ZNF324B: variants seen among roughly 807,000 people sequenced by gnomAD.
ZNF324B encodes the protein zinc finger protein 324B.
ZNF324B carries 7 observed loss-of-function variants against 10.6 expected under a neutral mutation model. That is an observed-to-expected ratio of 0.66 (90% confidence interval 0.38 to 1.24). ZNF324B has a LOEUF of 1.24. Ranked by LOEUF, ZNF324B falls within the 50% of genes most tolerant of loss-of-function variation. The pLI, the probability that ZNF324B is intolerant of heterozygous loss-of-function variation, is 0.02. For missense variants in ZNF324B, 640 were observed against 764.7 expected (o/e 0.84, Z 1.92); for synonymous variants, 316 against 321.0 (o/e 0.98, Z 0.17).
chr19:58,453,082 A>AAAAT (rs34636971), intron 1 of ZNF324B: 18,306 of 140,260 alleles, frequency 0.13, 1,483 homozygotes, highest in East Asian at 0.25. Flanking sequence ...CTCCAAAATA[A>AAAAT]AAATAAATAA....
the ZNF324B span, chr19:58,445,569 A>G: frequency 2.0e-6 from 1 of 488,474 alleles, no homozygotes; most frequent in African/African-American, 2.0e-5. Flanking sequence ...TAATCCCAGC[A>G]CTTTGGGAGG....
rs1326687824 is a variant in ZNF324B at position 58,455,922 on chromosome 19, C to T, written c.978C>T (p.Ser326=). The part of the protein sequence containing the change: ...PVCGKAFRHS[S]SLVRHQRIHT... ...GCGGCAAGGCCTTCCGGCATAGCTC[C>T]TCGCTGGTGCGGCACCAGCGCATCC... Residue 326 remains serine, a synonymous_variant, in exon 4 of 4, where the codon TCC becomes TCT. Coordinates refer to ENST00000336614, the MANE Select transcript of ZNF324B (RefSeq NM_207395.3). This position sits in a 1 kb window ranked among gnomAD's most constrained non-coding sequence, Gnocchi z 7.0. 6.2e-7 allele frequency: 1 copy of T among 1,600,848 alleles called. No individual in the cohort carries two copies. Among genetic ancestry groups the T allele is most frequent in the Admixed American group, 1.7e-5 (1 of 59,088 alleles).
upstream of ZNF324B, among the ~76,000 whole-genome samples, chr19:58,450,301 G>A (rs1258192152): frequency 2.0e-5 from 3 of 151,772 alleles, no homozygotes; most frequent in East Asian, 1.9e-4. Context: ...TATCAGCAAC[G>A]TGAAAACAGA....
upstream of ZNF324B, among the ~76,000 whole-genome samples, chr19:58,449,519 C>A (rs2052841230): frequency 6.6e-6 from 1 of 152,202 alleles, no homozygotes; most frequent in Non-Finnish European, 1.5e-5. Flanking sequence ...CCCATGAAAG[C>A]AGCTGGGAGG....
chr19:58,428,744 G>A, the ZNF324B span: 2 of 152,210 alleles, frequency 1.3e-5, no homozygotes, highest in Non-Finnish European at 2.9e-5. Flanking sequence ...ATAGTCATTG[G>A]AAGTTTCTGA....
the ZNF324B span, chr19:58,433,009 C>G: frequency 1.3e-5 from 4 of 314,740 alleles, 1 homozygote; most frequent in Admixed American, 2.1e-4. Context: ...ATCGGTTCAG[C>G]TGAGCACAGT....
At chr19:58,426,507 A>G in the ZNF324B span, among the ~76,000 whole-genome samples, 1 of 152,208 alleles carries the variant, frequency 6.6e-6, no homozygotes, top group Non-Finnish European at 1.5e-5. Flanking sequence ...TATTAGCAGT[A>G]GGAGTCCAAG....
At chr19:58,442,798 A>G in the ZNF324B span, 1 of 152,336 alleles carries the variant, frequency 6.6e-6, no homozygotes, top group Admixed American at 6.5e-5. Flanking sequence ...GTGAAGCTGC[A>G]GACCTTTGTG....
At chr19:58,452,035 C>A in intron 1 of ZNF324B, 1 of 203,258 alleles carries the variant, frequency 4.9e-6, no homozygotes, top group Non-Finnish European at 1.0e-5. Flanking sequence ...TGCGCCCCCA[C>A]GGAGTGAGGC....
the ZNF324B span, chr19:58,418,789 G>C: frequency 2.0e-5 from 3 of 151,796 alleles, no homozygotes; most frequent in African/African-American, 7.3e-5. Flanking sequence ...TTAAAAATTT[G>C]TATAGAGACA....
At chr19:58,447,120 C>T (rs1363266680), upstream of ZNF324B, among the ~76,000 whole-genome samples, 1 of 152,134 alleles carries the variant, frequency 6.6e-6, no homozygotes, top group African/African-American at 2.4e-5. Context: ...GACTTACAGG[C>T]GTGTGCCACC....
In ZNF324B at chr19:58,452,313, A is replaced by G. The variant is rs866965274; in HGVS notation, c.-7+609A>G. On this transcript the variant is annotated intron_variant, in intron 1 of 3. Transcript: ENST00000336614. ...GTGCGGCTGCAGTAGCAGGCGAGGG[A>G]GTGGGCTTTATCTCGAGGGCGTCGG... 1,134 of 148,252 alleles carry G rather than the reference A, an allele frequency of 7.6e-3. 4 individuals are homozygous for G. Among genetic ancestry groups the G allele is most frequent in the African/African-American group, 0.016 (634 of 40,014 alleles). The allele number at this position is 148,252 out of a possible 1,614,324, so 9.2% of individuals were successfully genotyped here.
the ZNF324B span, among the ~76,000 whole-genome samples, chr19:58,424,662 G>T: frequency 1.3e-5 from 2 of 152,142 alleles, no homozygotes; most frequent in South Asian, 4.1e-4. Flanking sequence ...TTTGAAAACA[G>T]TTTGACAGTT....
At chr19:58,435,792 G>C in the ZNF324B span, 1 of 152,720 alleles carries the variant, frequency 6.5e-6, no homozygotes, top group Non-Finnish European at 1.5e-5. Flanking sequence ...TAAAATTTGA[G>C]ATGGGGTCTT....
At chr19:58,444,391 T>C in the ZNF324B span, 1 of 152,228 alleles carries the variant, frequency 6.6e-6, no homozygotes, top group African/African-American at 2.4e-5. Context: ...TCCCAACTAC[T>C]TGGGATGCTG....
the ZNF324B span, chr19:58,433,366 C>T: frequency 2.3e-5 from 37 of 1,614,100 alleles, no homozygotes; most frequent in Non-Finnish European, 3.0e-5. Context: ...ACAAAGATGG[C>T]TGAAGAGTTT....
the ZNF324B span, chr19:58,445,146 G>A: frequency 1.3e-4 from 37 of 283,862 alleles, no homozygotes; most frequent in African/African-American, 4.4e-4. Context: ...AATTAACACC[G>A]GAAAATGGTT....
chr19:58,456,548 C>G lies in ZNF324B; in HGVS notation c.1604C>G (p.Pro535Arg). The change falls in exon 4 of 4, where the codon CCA becomes CGA. Residue 535 changes from proline to arginine, a missense_variant. By Grantham distance (103) the Pro-to-Arg change is moderately radical (BLOSUM62 -2). Around this residue, in one of 3 missense-constraint regions of ZNF324B, gnomAD observed 238 missense variants for 258.0 expected, o/e 0.92. Transcript: ENST00000336614. This position sits in a 1 kb window ranked among gnomAD's most constrained non-coding sequence, Gnocchi z 4.7. ...HHRKVRRGGKPSPVLKPAKV is the reference protein window; with the variant it reads ...HHRKVRRGGKRSPVLKPAKV The stretch of plus-strand genomic sequence containing the variant: ...CGGAAGGTGCGCCGGGGAGGGAAGC[C>G]AAGCCCAGTCCTGAAGCCAGCGAAG... 1 of 1,614,116 alleles carries G rather than the reference C, an allele frequency of 6.2e-7. No homozygotes were observed. The highest frequency in any genetic ancestry group is 8.5e-7 in the Non-Finnish European group (1 of 1,179,994).
the ZNF324B span, among the ~76,000 whole-genome samples, chr19:58,422,347 A>G: frequency 6.6e-6 from 1 of 152,222 alleles, no homozygotes; most frequent in African/African-American, 2.4e-5. Context: ...TTTTTCTCTC[A>G]GAACTGGAAC....
Sources: allele counts gnomAD v4.1 joint callset (sites outside exome capture counted in the v4.1 genomes callset), GRCh38; gene constraint gnomAD v4.1.1; regional missense constraint gnomAD v4.1.1; non-coding constraint Gnocchi (gnomAD v3.1); transcripts MANE v1.5; gene names NCBI Gene and HGNC (gene_info 2026-07-23, HGNC 2026-07-21).